The following NAE1 variants were observed in gnomAD, a reference collection of about 807,000 sequenced individuals.
NAE1 encodes NEDD8-activating enzyme E1 regulatory subunit.
In NAE1, 59 loss-of-function variants were observed where a neutral mutation model predicts 88.0. The observed-to-expected ratio is 0.67, with a 90% CI of 0.54 to 0.83. The LOEUF (loss-of-function observed/expected upper bound fraction) is 0.83. Among genes scored for constraint, NAE1 ranks in the 40% least tolerant of loss-of-function variants. The pLI, the probability that NAE1 is intolerant of heterozygous loss-of-function variation, is 0.00. For synonymous variants in NAE1, 186 were observed against 208.9 expected, an observed-to-expected ratio of 0.89 and a Z score of 0.95; for missense variants, 554 against 632.8, an observed-to-expected ratio of 0.88 and a Z score of 1.34.
At chr16:66,812,082 CAT>C (rs1431516246) in intron 13 of NAE1, among the ~76,000 whole-genome samples, 1 of 152,158 alleles carries the variant, frequency 6.6e-6, no homozygotes, top group East Asian at 1.9e-4. Flanking sequence ...TAGCTATAGT[CAT>C]AGACTATAAC....
chr16:66,823,097 A>AAT, intron 6 of NAE1, 130 bp downstream of exon 6: 1 of 449,974 alleles, frequency 2.2e-6, no homozygotes, highest in Non-Finnish European at 3.7e-6. Flanking sequence ...AAAAAAAAAA[A>AAT]GTTTCATATT....
Sources: gnomAD v4.1 joint callset for allele counts (sites outside exome capture counted in the v4.1 genomes callset) on GRCh38, gnomAD v4.1.1 for gene constraint, MANE v1.5 for transcripts, NCBI Gene and HGNC (gene_info 2026-07-23, HGNC 2026-07-21) for gene names.